GRM7: variants seen among roughly 807,000 people sequenced by gnomAD.
GRM7 encodes glutamate metabotropic receptor 7.
Under a neutral mutation model 84.5 loss-of-function variants are expected in GRM7, and 35 were observed. The ratio of observed to expected loss-of-function variants is 0.41; its 90% CI spans 0.32 to 0.55. The LOEUF is 0.55. Among genes scored for constraint, GRM7 ranks in the 20% least tolerant of loss-of-function variants. GRM7 has a pLI of 0.19. For synonymous variants in GRM7, 487 were observed against 455.1 expected (o/e 1.07, Z -0.89); for missense variants, 1,003 against 1,194.6 (o/e 0.84, Z 2.36).
chr3:7,626,844 G>T (rs1697637400), intron 8 of GRM7, among the ~76,000 whole-genome samples: 1 of 151,458 alleles, frequency 6.6e-6, no homozygotes, highest in South Asian at 2.1e-4. Flanking sequence ...CCATAAAAAA[G>T]ATCAAATATT....
chr3:7,386,629 T>C (rs1694795886), intron 4 of GRM7, among the ~76,000 whole-genome samples: 1 of 152,228 alleles, frequency 6.6e-6, no homozygotes, highest in Admixed American at 6.5e-5. Context: ...GGCTACATAG[T>C]ATTCCATGGT....
At chr3:6,948,140 G>A (rs1340591172) in intron 1 of GRM7, among the ~76,000 whole-genome samples, 6 of 150,616 alleles carry the variant, frequency 4.0e-5, no homozygotes, top group Non-Finnish European at 8.9e-5. Context: ...TCTTTTAATT[G>A]TGATGTTAGG....
chr3:7,648,344 C>T (rs1329042187), intron 8 of GRM7, among the ~76,000 whole-genome samples: 1 of 151,186 alleles, frequency 6.6e-6, no homozygotes, highest in Non-Finnish European at 1.5e-5. Flanking sequence ...ACTTGAAGAT[C>T]TGGGACACAA....
intron 2 of GRM7, among the ~76,000 whole-genome samples, chr3:7,181,393 A>G (rs1371479602): frequency 6.6e-6 from 1 of 152,120 alleles, no homozygotes; most frequent in Non-Finnish European, 1.5e-5. Context: ...AATCTTCCCT[A>G]GGGTTTAAAA....
rs138455238 is a variant in GRM7 at position 7,027,947 on chromosome 3, C to T, written c.520-118505C>T. ...CATATAAAATCGCCAGGTACTTAGCCTCAAAAGAATTTTTTTGTCCCATCA... is the reference window on the plus strand; with the variant it reads ...CATATAAAATCGCCAGGTACTTAGCTTCAAAAGAATTTTTTTGTCCCATCA... On this transcript the variant is annotated intron_variant, in intron 1 of 9. Transcript: ENST00000357716. Among the ~76,000 whole-genome samples the T allele has an allele frequency of 5.6e-3, 846 of 152,216 alleles. 6 individuals are homozygous for T. The highest frequency in any genetic ancestry group is 0.019 in the African/African-American group (779 of 41,524).
At chr3:6,946,769 T>A (rs1375508800) in intron 1 of GRM7, among the ~76,000 whole-genome samples, 1 of 152,088 alleles carries the variant, frequency 6.6e-6, no homozygotes, top group Non-Finnish European at 1.5e-5. Context: ...GTCCTTCACA[T>A]CCCTTGTAAG....
chr3:7,121,134 A>T (rs1012691937), intron 1 of GRM7, among the ~76,000 whole-genome samples: 10 of 152,194 alleles, frequency 6.6e-5, no homozygotes, highest in African/African-American at 2.4e-4. Context: ...TATCATGAGA[A>T]CTTTCTGTGA....
Position 7,011,942 on chromosome 3 carries a change from G to C in GRM7, c.520-134510G>C, listed in dbSNP as rs535324304. On this transcript the variant is annotated intron_variant, in intron 1 of 9. Transcript: ENST00000357716. ...TCATTTTTATTCTGTCCTTTGTCTT[G>C]CAAATGAAGGTTCCTAGAAGAGAGT... is the stretch of plus-strand genomic sequence containing the variant. 2.0e-5 allele frequency among the ~76,000 whole-genome samples: 3 copies of C among 152,238 alleles called. No individual in the cohort carries two copies. In the South Asian group the frequency reaches 6.2e-4, roughly 32 times the overall value.
At chr3:7,649,281 G>A (rs919017371) in intron 8 of GRM7, among the ~76,000 whole-genome samples, 3 of 151,980 alleles carry the variant, frequency 2.0e-5, no homozygotes, top group Non-Finnish European at 4.4e-5. Flanking sequence ...GTGTTAGCCA[G>A]GATAGTCCCG....
rs138074285 is a variant in GRM7, at chr3:7,133,172, T to C, written c.520-13280T>C. Among the ~76,000 whole-genome samples, 288 of 152,282 alleles carry C rather than the reference T, an allele frequency of 1.9e-3. 1 individual carries two copies. The highest frequency in any genetic ancestry group is 6.7e-3 in the African/African-American group (278 of 41,552). On this transcript the variant is annotated intron_variant, in intron 1 of 9. Coordinates refer to ENST00000357716, the MANE Select transcript of GRM7 (RefSeq NM_000844.4). ...TAGGAAACACAAGGAGCTCTGATAA[T>C]GGGGAAAGTTTGGCAAGTAGAAAGC...
At chr3:7,517,381 GTA>G (rs1700431692) in intron 7 of GRM7, among the ~76,000 whole-genome samples, 1 of 151,380 alleles carries the variant, frequency 6.6e-6, no homozygotes, top group Non-Finnish European at 1.5e-5. Context: ...AGTAGTAGTA[GTA>G]GTATTAGTAT....
chr3:6,881,306 A>G lies in GRM7; in HGVS notation c.519+19399A>G, dbSNP rs180834721. On this transcript the variant is annotated intron_variant, in intron 1 of 9. Transcript: ENST00000357716. The stretch of plus-strand genomic sequence containing the variant: ...TCTCCCTTCCCTCACTCCACCCCCC[A>G]ACAGTCTCCAGTGTGTGTTGTTCCC... 5.9e-5 allele frequency among the ~76,000 whole-genome samples: 9 copies of G among 152,108 alleles called. No homozygotes were observed. In the East Asian group the frequency reaches 1.7e-3, roughly 29 times the overall value.
At chr3:7,447,553 C>G (rs1339841674) in intron 5 of GRM7, among the ~76,000 whole-genome samples, 1 of 152,054 alleles carries the variant, frequency 6.6e-6, no homozygotes, top group African/African-American at 2.4e-5. Context: ...ATTTTCACTT[C>G]CCTATCAAGA....
intron 7 of GRM7, among the ~76,000 whole-genome samples, chr3:7,577,795 C>A (rs1695035957): frequency 6.6e-6 from 1 of 152,108 alleles, no homozygotes; most frequent in African/African-American, 2.4e-5. Context: ...TTAGTAAGCC[C>A]CACTTCTCCC....
rs552356497 is a variant in GRM7, at chr3:6,886,008, C to T, written c.519+24101C>T. On this transcript the variant is annotated intron_variant, in intron 1 of 9. Coordinates refer to ENST00000357716, the MANE Select transcript of GRM7 (RefSeq NM_000844.4). ...AAATTTGTATATATTCAACATGTAC[C>T]ACAAGATGATTTGATATATGTATAC... Among the ~76,000 whole-genome samples, 5 of 152,152 alleles carry T rather than the reference C, an allele frequency of 3.3e-5. No individual in the cohort carries two copies. The South Asian group carries it at 6.2e-4, about 19-fold the overall frequency.
At chr3:7,026,460 C>T (rs1021687) in intron 1 of GRM7, among the ~76,000 whole-genome samples, 63,162 of 151,970 alleles carry the variant, frequency 0.42, 14,040 homozygotes, top group South Asian at 0.58. Flanking sequence ...GAGAATTTGC[C>T]GTGTTGAATA....
chr3:7,328,265 A>G (rs535002394), intron 4 of GRM7, among the ~76,000 whole-genome samples: 1 of 152,334 alleles, frequency 6.6e-6, no homozygotes, highest in East Asian at 1.9e-4. Flanking sequence ...TTGATTAAAA[A>G]GTTTTTGACA....
chr3:7,107,241 C>T (rs1370578132), intron 1 of GRM7, among the ~76,000 whole-genome samples: 4 of 152,000 alleles, frequency 2.6e-5, no homozygotes, highest in Non-Finnish European at 4.4e-5. Context: ...TGTTCACCTC[C>T]GGAGTATACA....
intron 7 of GRM7, among the ~76,000 whole-genome samples, chr3:7,537,343 C>A (rs1701280303): frequency 1.3e-5 from 2 of 152,274 alleles, no homozygotes; most frequent in Middle Eastern, 3.4e-3. Context: ...CTCAGGCTAA[C>A]CCAAAAGGGC....
Sources: allele counts gnomAD v4.1 joint callset (sites outside exome capture counted in the v4.1 genomes callset), GRCh38; gene constraint gnomAD v4.1.1; transcripts MANE v1.5; gene names NCBI Gene and HGNC (gene_info 2026-07-23, HGNC 2026-07-21).